Variants in AKAP6 observed in about 807,000 individuals in gnomAD.
The protein encoded by AKAP6 is A-kinase anchoring protein 6.
Under a neutral mutation model 188.5 loss-of-function variants are expected in AKAP6, and 58 were observed. The ratio of observed to expected loss-of-function variants is 0.31; its 90% CI spans 0.25 to 0.38. The LOEUF is 0.38. Among genes scored for constraint, AKAP6 ranks in the 10% least tolerant of loss-of-function variants. AKAP6 has a pLI of 1.00. For missense variants in AKAP6, 2,710 were observed against 2,740.0 expected (o/e 0.99, Z 0.24); for synonymous variants, 989 against 998.6 (o/e 0.99, Z 0.18).
intron 4 of AKAP6, among the ~76,000 whole-genome samples, chr14:32,569,654 C>T (rs1055333814): frequency 2.0e-5 from 3 of 152,026 alleles, no homozygotes; most frequent in African/African-American, 7.3e-5. Flanking sequence ...ACGAATTATG[C>T]CCAAAAACGG....
intron 12 of AKAP6, among the ~76,000 whole-genome samples, chr14:32,777,667 TA>T (rs2033109401): frequency 1.3e-5 from 2 of 151,714 alleles, no homozygotes; most frequent in Admixed American, 1.3e-4. Context: ...CAGAGCAAAA[TA>T]AAATCAGAGC....
chr14:32,674,622 A>G (rs1304656897), intron 7 of AKAP6, among the ~76,000 whole-genome samples: 1 of 152,208 alleles, frequency 6.6e-6, no homozygotes, highest in African/African-American at 2.4e-5. Flanking sequence ...TATTTTATTT[A>G]AAGGCCTAAG....
chr14:32,715,778 T>A (rs201859372), intron 9 of AKAP6, among the ~76,000 whole-genome samples: 78 of 102,780 alleles, frequency 7.6e-4, no homozygotes, highest in African/African-American at 2.0e-3. Flanking sequence ...AGATTTTTTT[T>A]TAAAATTCTA....
chr14:32,803,447 TA>T (rs947328390), intron 12 of AKAP6, among the ~76,000 whole-genome samples: 2 of 152,170 alleles, frequency 1.3e-5, no homozygotes, highest in African/African-American at 2.4e-5. Context: ...TTTGCTGCGC[TA>T]AAAAAATTCC....
At chr14:32,485,688 A>G (rs4561362) in intron 2 of AKAP6, among the ~76,000 whole-genome samples, 3,720 of 152,050 alleles carry the variant, frequency 0.024, 159 homozygotes, top group African/African-American at 0.085. Flanking sequence ...AAATTTGTTT[A>G]AGTTCCTTGT....
At chr14:32,564,288 G>A (rs893443248) in intron 4 of AKAP6, among the ~76,000 whole-genome samples, 3 of 152,106 alleles carry the variant, frequency 2.0e-5, no homozygotes, top group Non-Finnish European at 4.4e-5. Context: ...CAGATATGGA[G>A]GGCCGACTGT....
chr14:32,400,766 T>G (rs544065846), intron 1 of AKAP6, among the ~76,000 whole-genome samples: 21 of 152,152 alleles, frequency 1.4e-4, no homozygotes, highest in African/African-American at 4.8e-4. Context: ...CTCCTGGAAT[T>G]CTTATTAAAA....
intron 2 of AKAP6, among the ~76,000 whole-genome samples, chr14:32,453,648 G>A (rs1313171688): frequency 7.6e-6 from 1 of 131,312 alleles, no homozygotes; most frequent in Non-Finnish European, 1.5e-5. Context: ...CCAGGCGGGA[G>A]TGCAGTGGCG....
chr14:32,634,346 G>T (rs1471608882), intron 7 of AKAP6, among the ~76,000 whole-genome samples: 4 of 152,050 alleles, frequency 2.6e-5, no homozygotes, highest in Non-Finnish European at 1.5e-5. Flanking sequence ...ATAACTGGTT[G>T]TTGCTTTTAT....
Position 32,546,965 on chromosome 14 carries a change from A to G in AKAP6, c.2312A>G (p.Gln771Arg). ...IQKLMQDIQH[Q>R]DNYEAIWEKI... ...AAACTGATGCAAGATATTCAGCACCAAGACAACTATGAAGCCATATGGGAA... is the reference window on the plus strand; with the variant it reads ...AAACTGATGCAAGATATTCAGCACCGAGACAACTATGAAGCCATATGGGAA... The change falls in exon 4 of 14, where the codon CAA (glutamine) becomes CGA (arginine). Residue 771 changes from glutamine to arginine, a missense_variant. Around this residue, in one of 2 missense-constraint regions of AKAP6, gnomAD observed 2,473 missense variants for 2,426.1 expected, o/e 1.02. Coordinates refer to ENST00000280979, the MANE Select transcript of AKAP6 (RefSeq NM_004274.5). 1.2e-6 allele frequency: 2 copies of G among 1,606,364 alleles called. No individual in the cohort carries two copies. The highest frequency in any genetic ancestry group is 1.7e-6 in the Non-Finnish European group (2 of 1,179,458).
intron 10 of AKAP6, 128 bp downstream of exon 10, chr14:32,732,728 A>G: frequency 1.8e-6 from 2 of 1,117,054 alleles, no homozygotes; most frequent in Non-Finnish European, 2.6e-6. Context: ...GTTTCAAACA[A>G]GCTATTCATG....
rs75169024 is a variant in AKAP6 at position 32,554,248 on chromosome 14, T to A, written c.2346+7249T>A. Among the ~76,000 whole-genome samples the A allele has an allele frequency of 2.5e-3, 382 of 152,342 alleles. 1 individual carries two copies. The highest frequency in any genetic ancestry group is 4.3e-3 in the Non-Finnish European group (293 of 68,016). On this transcript the variant is annotated intron_variant, in intron 4 of 13. Coordinates refer to ENST00000280979, the MANE Select transcript of AKAP6 (RefSeq NM_004274.5). ...AGTTGAATAGTTGTGACAGAGACCATGTGGCCTAAAAAGATTAAAGATTTA... is the reference window on the plus strand; with the variant it reads ...AGTTGAATAGTTGTGACAGAGACCAAGTGGCCTAAAAAGATTAAAGATTTA...
chr14:32,382,810 G>C (rs1014798031), intron 1 of AKAP6, among the ~76,000 whole-genome samples: 1 of 152,150 alleles, frequency 6.6e-6, no homozygotes, highest in Non-Finnish European at 1.5e-5. Flanking sequence ...CTGTGGTACA[G>C]GGGAAGGATG....
intron 9 of AKAP6, among the ~76,000 whole-genome samples, chr14:32,708,267 G>T (rs1890895901): frequency 6.6e-6 from 1 of 151,940 alleles, no homozygotes; most frequent in Non-Finnish European, 1.5e-5. Flanking sequence ...AATTAGATAC[G>T]ACTTCAGATG....
At chr14:32,672,164 TATTAA>T (rs1889227323) in intron 7 of AKAP6, among the ~76,000 whole-genome samples, 1 of 152,218 alleles carries the variant, frequency 6.6e-6, no homozygotes, top group Non-Finnish European at 1.5e-5. Flanking sequence ...TTTGTGTCCT[TATTAA>T]ATTATTAAGT....
chr14:32,566,522 AGAATCT>A (rs1374893085), intron 4 of AKAP6, among the ~76,000 whole-genome samples: 1 of 152,162 alleles, frequency 6.6e-6, no homozygotes, highest in African/African-American at 2.4e-5. Flanking sequence ...CTTTAAGAGA[AGAATCT>A]GGGTTATGTG....
chr14:32,767,212 G>T (rs2032746632), intron 11 of AKAP6, among the ~76,000 whole-genome samples: 1 of 151,864 alleles, frequency 6.6e-6, no homozygotes, highest in Non-Finnish European at 1.5e-5. Flanking sequence ...ACATTATCTT[G>T]TCTACACTAT....
intron 1 of AKAP6, among the ~76,000 whole-genome samples, chr14:32,378,160 A>G (rs1888221148): frequency 6.8e-6 from 1 of 147,436 alleles, no homozygotes; most frequent in South Asian, 2.3e-4. Flanking sequence ...GCATGGTATG[A>G]CAAAACCTAA....
intron 12 of AKAP6, among the ~76,000 whole-genome samples, chr14:32,815,690 G>A (rs1003649821): frequency 6.6e-6 from 1 of 152,148 alleles, no homozygotes; most frequent in Non-Finnish European, 1.5e-5. Flanking sequence ...ACTGTTAACG[G>A]TTATTTAGGA....
Sources: allele counts gnomAD v4.1 joint callset (sites outside exome capture counted in the v4.1 genomes callset), GRCh38; gene constraint gnomAD v4.1.1; regional missense constraint gnomAD v4.1.1; transcripts MANE v1.5; gene names NCBI Gene and HGNC (gene_info 2026-07-23, HGNC 2026-07-21).